CFAP96: variants seen among roughly 807,000 people sequenced by gnomAD.
CFAP96 encodes cilia and flagella associated protein 96.
the CFAP96 span, chr4:185,449,575 G>A: frequency 6.8e-7 from 1 of 1,475,288 alleles, no homozygotes; most frequent in Non-Finnish European, 9.2e-7. Context: ...AAATTAATGT[G>A]TGTTTATTTT....
At chr4:185,434,983 TG>T in the CFAP96 span, among the ~76,000 whole-genome samples, 1 of 151,876 alleles carries the variant, frequency 6.6e-6, no homozygotes, top group African/African-American at 2.4e-5. Context: ...TCAGGTGATC[TG>T]CCCACCTCAG....
the CFAP96 span, among the ~76,000 whole-genome samples, chr4:185,424,934 G>T: frequency 2.0e-5 from 3 of 152,216 alleles, no homozygotes; most frequent in Non-Finnish European, 2.9e-5. Flanking sequence ...ACTCTCTGAA[G>T]AAATAATACT....
the CFAP96 span, among the ~76,000 whole-genome samples, chr4:185,417,774 T>C: frequency 2.0e-5 from 3 of 152,150 alleles, no homozygotes; most frequent in Non-Finnish European, 4.4e-5. Flanking sequence ...CCGGGCGCGG[T>C]GGCTCACACC....
the CFAP96 span, among the ~76,000 whole-genome samples, chr4:185,426,802 C>T: frequency 7.0e-6 from 1 of 143,642 alleles, no homozygotes; most frequent in African/African-American, 2.6e-5. Context: ...GAGGCCAAGG[C>T]AGACGCATCA....
At chr4:185,445,470 C>A in the CFAP96 span, 1 of 1,501,146 alleles carries the variant, frequency 6.7e-7, no homozygotes, top group Non-Finnish European at 9.2e-7. Context: ...GGCTATTTCT[C>A]GAAGGGAGTT....
chr4:185,436,013 C>A, the CFAP96 span: 1 of 1,469,248 alleles, frequency 6.8e-7, no homozygotes, highest in Non-Finnish European at 9.0e-7. Context: ...TTTTAACCTC[C>A]TTCTTTTAAA....
At chr4:185,425,893 G>C in the CFAP96 span, 1 of 1,595,996 alleles carries the variant, frequency 6.3e-7, no homozygotes, top group Non-Finnish European at 8.5e-7. Flanking sequence ...GGTGACACGG[G>C]CGCTGACGCC....
At chr4:185,429,252 A>C in the CFAP96 span, 1 of 496,462 alleles carries the variant, frequency 2.0e-6, no homozygotes. Flanking sequence ...AAACTCTCAG[A>C]CTGAAAGTAA....
At chr4:185,417,301 G>C in the CFAP96 span, among the ~76,000 whole-genome samples, 2 of 152,136 alleles carry the variant, frequency 1.3e-5, no homozygotes, top group Admixed American at 1.3e-4. Flanking sequence ...TCCAATTACT[G>C]GTAATTTTCA....
chr4:185,428,782 C>A, the CFAP96 span, among the ~76,000 whole-genome samples: 3 of 151,834 alleles, frequency 2.0e-5, no homozygotes, highest in Non-Finnish European at 4.4e-5. Flanking sequence ...TTGTTCTCTT[C>A]CCCATTCCCT....
chr4:185,414,425 G>T, the CFAP96 span, among the ~76,000 whole-genome samples: 3 of 152,032 alleles, frequency 2.0e-5, no homozygotes, highest in African/African-American at 7.2e-5. Context: ...CATGTAATAG[G>T]TATTTTAAAA....
the CFAP96 span, chr4:185,445,395 C>G: frequency 1.2e-6 from 1 of 857,312 alleles, no homozygotes; most frequent in Non-Finnish European, 1.9e-6. Context: ...ATATATAGCG[C>G]CTCATTATGA....
the CFAP96 span, among the ~76,000 whole-genome samples, chr4:185,411,184 GACT>G: frequency 6.0e-5 from 9 of 150,826 alleles, no homozygotes; most frequent in African/African-American, 1.7e-4. Context: ...AAAATATTAT[GACT>G]ACAAGATATA....
chr4:185,411,770 A>T, the CFAP96 span, among the ~76,000 whole-genome samples: 1 of 152,220 alleles, frequency 6.6e-6, no homozygotes, highest in Non-Finnish European at 1.5e-5. Flanking sequence ...ACAGCAAAAA[A>T]ACTTGGAAAA....
At chr4:185,427,493 C>T in the CFAP96 span, among the ~76,000 whole-genome samples, 4 of 152,246 alleles carry the variant, frequency 2.6e-5, no homozygotes, top group African/African-American at 9.6e-5. Context: ...GGCGCGGTGG[C>T]TCACGCCTGA....
the CFAP96 span, among the ~76,000 whole-genome samples, chr4:185,417,783 C>T: frequency 2.6e-5 from 4 of 152,274 alleles, no homozygotes; most frequent in East Asian, 5.8e-4. Flanking sequence ...GTGGCTCACA[C>T]CTGTAATCCC....
At chr4:185,439,739 AAT>A in the CFAP96 span, among the ~76,000 whole-genome samples, 52 of 149,386 alleles carry the variant, frequency 3.5e-4, no homozygotes, top group Non-Finnish European at 1.2e-4. Context: ...TGTAATATAT[AAT>A]ATATACATAT....
chr4:185,414,251 A>T, the CFAP96 span, among the ~76,000 whole-genome samples: 1 of 152,212 alleles, frequency 6.6e-6, no homozygotes, highest in Non-Finnish European at 1.5e-5. Flanking sequence ...ATTATATCAA[A>T]GTATTTTGCA....
chr4:185,415,780 G>C, the CFAP96 span: 58 of 1,613,552 alleles, frequency 3.6e-5, no homozygotes, highest in Non-Finnish European at 4.8e-5. Context: ...ACATAATGGT[G>C]TCCTCCGCTT....
Sources: allele counts gnomAD v4.1 joint callset (sites outside exome capture counted in the v4.1 genomes callset), GRCh38; gene constraint gnomAD v4.1.1; transcripts MANE v1.5; gene names NCBI Gene and HGNC (gene_info 2026-07-23, HGNC 2026-07-21).